PLCB1: variants seen among roughly 807,000 people sequenced by gnomAD.
PLCB1 encodes the protein 1-phosphatidylinositol 4,5-bisphosphate phosphodiesterase beta-1.
A neutral mutation model predicts 161.8 loss-of-function variants in PLCB1; 46 were observed. The ratio of observed to expected loss-of-function variants is 0.28; its 90% CI spans 0.22 to 0.36. PLCB1 has a LOEUF of 0.36. PLCB1 is among the 10% of genes least tolerant of loss of function. PLCB1 has a pLI of 1.00. For missense variants in PLCB1, 1,016 were observed against 1,472.5 expected (o/e 0.69, Z 5.07); for synonymous variants, 517 against 503.7 (o/e 1.03, Z -0.35).
At chr20:8,452,852 G>T (rs1382473532) in intron 3 of PLCB1, among the ~76,000 whole-genome samples, 1 of 152,218 alleles carries the variant, frequency 6.6e-6, no homozygotes, top group African/African-American at 2.4e-5. Flanking sequence ...GGGATTGTGA[G>T]TAGAGTGTGC....
At chr20:8,825,991 T>C (rs970648579) in intron 31 of PLCB1, among the ~76,000 whole-genome samples, 3 of 152,068 alleles carry the variant, frequency 2.0e-5, no homozygotes, top group African/African-American at 7.2e-5. Flanking sequence ...GGGCTAGGTG[T>C]CAAACTGCCA....
At chr20:8,319,802 A>G (rs1429326781) in intron 2 of PLCB1, among the ~76,000 whole-genome samples, 1 of 149,300 alleles carries the variant, frequency 6.7e-6, no homozygotes, top group Non-Finnish European at 1.5e-5. Context: ...GAACCAGCAT[A>G]CATAATGTCA....
chr20:8,347,591 C>T (rs563272147), intron 2 of PLCB1, among the ~76,000 whole-genome samples: 1 of 152,152 alleles, frequency 6.6e-6, no homozygotes, highest in Non-Finnish European at 1.5e-5. Context: ...GATAGATATA[C>T]TTAATTTATT....
intron 2 of PLCB1, among the ~76,000 whole-genome samples, chr20:8,292,927 A>T (rs773013678): frequency 9.2e-5 from 14 of 152,206 alleles, no homozygotes; most frequent in Non-Finnish European, 1.6e-4. Context: ...AACGTAGCAC[A>T]TAGTAGGTCC....
intron 3 of PLCB1, among the ~76,000 whole-genome samples, chr20:8,436,852 C>T (rs11906685): frequency 5.3e-5 from 8 of 151,960 alleles, no homozygotes; most frequent in African/African-American, 9.7e-5. Context: ...TGCAGGGGTA[C>T]GATCTTTGCT....
At chr20:8,277,123 C>G (rs543197152) in intron 2 of PLCB1, among the ~76,000 whole-genome samples, 4 of 151,704 alleles carry the variant, frequency 2.6e-5, no homozygotes, top group Non-Finnish European at 5.9e-5. Flanking sequence ...GCCTCAACCT[C>G]CTGAGTAGCT....
intron 2 of PLCB1, among the ~76,000 whole-genome samples, chr20:8,365,506 A>G (rs996814392): frequency 6.6e-6 from 1 of 152,214 alleles, no homozygotes; most frequent in African/African-American, 2.4e-5. Context: ...CAGACGGTGC[A>G]GAGATTTCTT....
intron 3 of PLCB1, among the ~76,000 whole-genome samples, chr20:8,455,343 A>AC (rs1981258920): frequency 1.3e-5 from 2 of 151,352 alleles, no homozygotes; most frequent in Admixed American, 6.6e-5. Flanking sequence ...AAAAAAAAAA[A>AC]ATACTGGTCA....
At chr20:8,664,543 G>C (rs1403803800) in intron 9 of PLCB1, among the ~76,000 whole-genome samples, 3 of 152,046 alleles carry the variant, frequency 2.0e-5, no homozygotes, top group East Asian at 1.9e-4. Flanking sequence ...AATAGGCTGA[G>C]AGTGATAGAA....
At chr20:8,500,695 T>C (rs1983369774) in intron 3 of PLCB1, among the ~76,000 whole-genome samples, 1 of 152,230 alleles carries the variant, frequency 6.6e-6, no homozygotes, top group Non-Finnish European at 1.5e-5. Flanking sequence ...AAACTCTTTC[T>C]TCTTTATTTT....
At chr20:8,155,341 G>T (rs1251961447) in intron 2 of PLCB1, among the ~76,000 whole-genome samples, 1 of 152,198 alleles carries the variant, frequency 6.6e-6, no homozygotes, top group Non-Finnish European at 1.5e-5. Flanking sequence ...CTGCCATCTT[G>T]TTCTGCCCTG....
At chr20:8,791,918 G>C (rs1184671938) in intron 31 of PLCB1, among the ~76,000 whole-genome samples, 1 of 152,090 alleles carries the variant, frequency 6.6e-6, no homozygotes, top group Non-Finnish European at 1.5e-5. Flanking sequence ...GCATTCAGCT[G>C]CAATTTTACA....
chr20:8,445,929 G>A (rs1451404096), intron 3 of PLCB1, among the ~76,000 whole-genome samples: 5 of 152,088 alleles, frequency 3.3e-5, no homozygotes, highest in South Asian at 4.2e-4. Context: ...GTTGCTTACC[G>A]AAAAAAGTCC....
At chr20:8,518,018 C>G (rs943411037) in intron 3 of PLCB1, among the ~76,000 whole-genome samples, 2 of 151,998 alleles carry the variant, frequency 1.3e-5, no homozygotes, top group African/African-American at 4.8e-5. Context: ...CCCGTCTCTA[C>G]TAAAAATACA....
intron 18 of PLCB1, among the ~76,000 whole-genome samples, chr20:8,732,363 A>C (rs751405051): frequency 1.3e-5 from 2 of 152,004 alleles, no homozygotes; most frequent in African/African-American, 4.8e-5. Flanking sequence ...AAATTTTCCA[A>C]TGAGGACATC....
intron 3 of PLCB1, among the ~76,000 whole-genome samples, chr20:8,623,462 T>C (rs1600200226): frequency 1.3e-5 from 2 of 152,214 alleles, no homozygotes; most frequent in South Asian, 2.1e-4. Flanking sequence ...TCTATACTTA[T>C]ACAGTGACTT....
intron 3 of PLCB1, among the ~76,000 whole-genome samples, chr20:8,447,562 T>C (rs1201338814): frequency 6.6e-6 from 1 of 151,998 alleles, no homozygotes; most frequent in East Asian, 1.9e-4. Context: ...AGGGATAGAG[T>C]AGGCCGCTTT....
At chr20:8,777,569 A>C (rs1983002873) in intron 27 of PLCB1, among the ~76,000 whole-genome samples, 1 of 151,988 alleles carries the variant, frequency 6.6e-6, no homozygotes, top group African/African-American at 2.4e-5. Flanking sequence ...AAATACAAAA[A>C]TTAGCCAGGC....
chr20:8,643,941 C>G (rs1222717800), intron 4 of PLCB1, among the ~76,000 whole-genome samples: 1 of 152,134 alleles, frequency 6.6e-6, no homozygotes, highest in Admixed American at 6.5e-5. Flanking sequence ...ATTGCAGGCG[C>G]GCGCCGCCAC....
Sources: gnomAD v4.1 joint callset for allele counts (sites outside exome capture counted in the v4.1 genomes callset) on GRCh38, gnomAD v4.1.1 for gene constraint, MANE v1.5 for transcripts, NCBI Gene and HGNC (gene_info 2026-07-23, HGNC 2026-07-21) for gene names.